Variants in ADD3 observed in about 807,000 individuals in gnomAD.
ADD3 encodes adducin 3, also known as gamma-adducin.
In ADD3, 25 loss-of-function variants were observed where a neutral mutation model predicts 80.2. The observed-to-expected ratio is 0.31, with a 90% confidence interval of 0.23 to 0.44. The LOEUF (loss-of-function observed/expected upper bound fraction) is 0.44, where lower values mean the gene tolerates loss of function less well. Ranked by LOEUF, ADD3 falls within the 20% of genes least tolerant of loss-of-function variation. The pLI, the probability that ADD3 is intolerant of heterozygous loss-of-function variation, is 1.00. For synonymous variants in ADD3, 284 were observed against 289.6 expected, an observed-to-expected ratio of 0.98 and a Z score of 0.20; for missense variants, 829 against 847.5, an observed-to-expected ratio of 0.98 and a Z score of 0.27.
intron 1 of ADD3, among the ~76,000 whole-genome samples, chr10:110,058,924 A>G (rs769531709): frequency 3.3e-5 from 5 of 152,216 alleles, no homozygotes; most frequent in Non-Finnish European, 5.9e-5. Context: ...AGTGCCTACA[A>G]CACTGTCTTC....
intron 4 of ADD3, 109 bp downstream of exon 4, chr10:110,116,519 C>A: frequency 9.1e-7 from 1 of 1,093,564 alleles, no homozygotes; most frequent in Admixed American, 2.4e-5. Flanking sequence ...TTCTCTAAAC[C>A]TAGTATGCTA....
intron 1 of ADD3, among the ~76,000 whole-genome samples, chr10:110,059,997 A>AT (rs145026589): frequency 0.011 from 1,616 of 152,314 alleles, 32 homozygotes; most frequent in African/African-American, 0.038. Context: ...GGCTACTTGA[A>AT]TGGGTGTATT....
At position 110,125,302 on chromosome 10, in the gene ADD3, G is replaced by A. The variant is rs189383649; in HGVS notation, c.1402-524G>A. Among the ~76,000 whole-genome samples the A allele has an allele frequency of 8.5e-5, 13 of 152,222 alleles. No individual in the cohort carries two copies. In the East Asian group the frequency reaches 1.4e-3, roughly 16 times the overall value. On this transcript the variant is annotated intron_variant, in intron 10 of 14. Transcript: ENST00000356080. ...AATTATGTAAGCTCCTTCCAACCCC[G>A]TGGTTCTATTTTGCTATTATATACC...
chr10:110,022,901 C>T (rs544943739), intron 1 of ADD3, among the ~76,000 whole-genome samples: 53 of 152,166 alleles, frequency 3.5e-4, no homozygotes, highest in African/African-American at 1.3e-3. Context: ...CCACGTAAGT[C>T]TGTGGGATGG....
At position 110,124,112 on chromosome 10, in the gene ADD3, T is replaced by C. The variant is rs2134170970; in HGVS notation, c.1239T>C (p.Phe413=). ...AAATCCCAGCAACTGTGACTGCTTTTTCCTTTGAAGACGATACAGTGCCAC... is the reference window on the plus strand; with the variant it reads ...AAATCCCAGCAACTGTGACTGCTTTCTCCTTTGAAGACGATACAGTGCCAC... ...DVEIPATVTA[F]SFEDDTVPLS... Residue 413 remains phenylalanine, a synonymous_variant, in exon 10 of 15, where the codon TTT becomes TTC. Coordinates refer to ENST00000356080, the MANE Select transcript of ADD3 (RefSeq NM_016824.5). 6.2e-7 allele frequency: 1 copy of C among 1,614,176 alleles called. No homozygotes were observed. The highest frequency in any genetic ancestry group is 2.2e-5 in the East Asian group (1 of 44,886).
chr10:110,129,160 T>C (rs961920970), intron 12 of ADD3, among the ~76,000 whole-genome samples: 1 of 151,472 alleles, frequency 6.6e-6, no homozygotes, highest in Admixed American at 6.6e-5. Flanking sequence ...CTTTTTTTTT[T>C]TTTTTTGAGA....
At chr10:110,122,467 C>T (rs541922598) in intron 9 of ADD3, among the ~76,000 whole-genome samples, 175 bp downstream of exon 9, 5 of 151,714 alleles carry the variant, frequency 3.3e-5, no homozygotes, top group Non-Finnish European at 7.4e-5. Flanking sequence ...TTACAAATGT[C>T]GTGTTTTTTT....
intron 1 of ADD3, among the ~76,000 whole-genome samples, chr10:110,032,490 C>A (rs1467828068): frequency 1.3e-5 from 2 of 152,158 alleles, no homozygotes; most frequent in African/African-American, 4.8e-5. Flanking sequence ...GGGAAGTGGG[C>A]AGCAGGGATA....
intron 9 of ADD3, chr10:110,123,799 T>G: frequency 1.9e-6 from 1 of 525,722 alleles, no homozygotes; most frequent in Non-Finnish European, 3.4e-6. Context: ...GAGTGGAAAT[T>G]GCAATATCAG....
rs373130239 is a variant in ADD3 at position 110,054,600 on chromosome 10, G to T, written c.-29-46025G>T. 3.3e-5 allele frequency among the ~76,000 whole-genome samples: 5 copies of T among 150,504 alleles called. No homozygotes were observed. The East Asian group carries it at 9.7e-4, about 29-fold the overall frequency. Reference sequence around the variant, plus strand: ...GGGATTTACAGGCACGCACCACCATGCCTGGCAAAATTTCTTTTTTTTTTT... The same window carrying T: ...GGGATTTACAGGCACGCACCACCATTCCTGGCAAAATTTCTTTTTTTTTTT... On this transcript the variant is annotated intron_variant, in intron 1 of 14. Coordinates refer to ENST00000356080, the MANE Select transcript of ADD3 (RefSeq NM_016824.5).
chr10:110,105,820 GA>G (rs1849343957), intron 2 of ADD3, among the ~76,000 whole-genome samples: 1 of 152,194 alleles, frequency 6.6e-6, no homozygotes, highest in Non-Finnish European at 1.5e-5. Flanking sequence ...AAATCACCAT[GA>G]TCTGTGGTCA....
At chr10:110,073,138 C>CTTTTTTTTTTTTTTTTTTTTTT (rs1189793476) in intron 1 of ADD3, among the ~76,000 whole-genome samples, 1 of 94,254 alleles carries the variant, frequency 1.1e-5, no homozygotes, top group African/African-American at 4.5e-5. Context: ...TTTTAGTTTT[C>CTTTTTTTTTTTTTTTTTTTTTT]TTTTTTTTTT....
chr10:110,059,581 C>T (rs1219130897), intron 1 of ADD3, among the ~76,000 whole-genome samples: 3 of 151,406 alleles, frequency 2.0e-5, no homozygotes, highest in African/African-American at 7.3e-5. Context: ...GCCACTATCA[C>T]CATATAGAGA....
At chr10:110,000,306 T>C (rs1197379329) in intron 1 of ADD3, among the ~76,000 whole-genome samples, 1 of 152,218 alleles carries the variant, frequency 6.6e-6, no homozygotes. Flanking sequence ...CTGTAAATAA[T>C]AAGATGATTT....
At chr10:110,127,390 G>A (rs985460435) in intron 12 of ADD3, among the ~76,000 whole-genome samples, 9 of 152,206 alleles carry the variant, frequency 5.9e-5, no homozygotes, top group Non-Finnish European at 1.2e-4. Context: ...AGGCCGAGGC[G>A]GGCAGATCAC....
At chr10:110,067,132 A>G (rs757085067) in intron 1 of ADD3, among the ~76,000 whole-genome samples, 1 of 152,256 alleles carries the variant, frequency 6.6e-6, no homozygotes, top group South Asian at 2.1e-4. Flanking sequence ...GTAGGAAGAT[A>G]TTAATGCTTA....
At chr10:110,086,127 A>G (rs1846708565) in intron 1 of ADD3, among the ~76,000 whole-genome samples, 1 of 147,914 alleles carries the variant, frequency 6.8e-6, no homozygotes, top group South Asian at 2.2e-4. Context: ...AGAAAAAGAA[A>G]AAGGCTGGGC....
At chr10:110,003,398 G>A (rs1237725592), upstream of ADD3, among the ~76,000 whole-genome samples, 4 of 151,846 alleles carry the variant, frequency 2.6e-5, no homozygotes, top group Admixed American at 6.6e-5. Context: ...AGTAAAACAG[G>A]TTGTTTAGGG....
intron 1 of ADD3, among the ~76,000 whole-genome samples, chr10:110,057,499 T>C (rs1858349575): frequency 6.6e-6 from 1 of 152,184 alleles, no homozygotes; most frequent in South Asian, 2.1e-4. Context: ...TACTCAAACA[T>C]TATTGTTCTT....
Sources: gnomAD v4.1 joint callset for allele counts (sites outside exome capture counted in the v4.1 genomes callset) on GRCh38, gnomAD v4.1.1 for gene constraint, MANE v1.5 for transcripts, NCBI Gene and HGNC (gene_info 2026-07-23, HGNC 2026-07-21) for gene names.